Variants in FEZ2 observed in about 807,000 individuals in gnomAD.
The protein encoded by FEZ2 is fasciculation and elongation protein zeta 2, also known as fasciculation and elongation protein zeta-2.
In FEZ2, 51 loss-of-function variants were observed where a neutral mutation model predicts 40.4. That is an observed-to-expected ratio of 1.26 (90% CI 1.01 to 1.59). The LOEUF (loss-of-function observed/expected upper bound fraction) is 1.59. Among genes scored for constraint, FEZ2 ranks in the 40% most tolerant of loss-of-function variants. The pLI is 0.00. For missense variants in FEZ2, 640 were observed against 438.3 expected (o/e 1.46, Z -4.11); for synonymous variants, 242 against 172.0 (o/e 1.41, Z -3.18).
chr2:36,558,553 ATTACC>A, intron 5 of FEZ2, 40 bp from the exon 6 acceptor site: 4 of 1,283,578 alleles, frequency 3.1e-6, no homozygotes, highest in Non-Finnish European at 3.2e-6. Flanking sequence ...TTAAATCGGA[ATTACC>A]TTATCTGCAA....
At chr2:36,554,941 T>G (rs1034249319) in intron 7 of FEZ2, among the ~76,000 whole-genome samples, 1 of 152,220 alleles carries the variant, frequency 6.6e-6, no homozygotes, top group South Asian at 2.1e-4. Flanking sequence ...AAGATGCATT[T>G]TGTGATGCTT....
At chr2:36,572,582 C>T (rs186811214) in intron 5 of FEZ2, among the ~76,000 whole-genome samples, 6 of 152,242 alleles carry the variant, frequency 3.9e-5, no homozygotes, top group African/African-American at 1.2e-4. Flanking sequence ...TCCATATAGC[C>T]CCAAAGCTGC....
chr2:36,558,330 A>G, intron 6 of FEZ2, 108 bp downstream of exon 6: 1 of 592,662 alleles, frequency 1.7e-6, no homozygotes, highest in Non-Finnish European at 2.8e-6. Flanking sequence ...TGCATCATTT[A>G]CATCCTAAAC....
chr2:36,585,423 AATG>A (rs1404484683), intron 2 of FEZ2, among the ~76,000 whole-genome samples: 1 of 152,230 alleles, frequency 6.6e-6, no homozygotes, highest in East Asian at 1.9e-4. Context: ...AAAATCCCAG[AATG>A]ATGACTGTAA....
At chr2:36,556,070 T>C (rs1487385108) in intron 6 of FEZ2, 1 of 512,596 alleles carries the variant, frequency 2.0e-6, no homozygotes, top group South Asian at 1.6e-5. Context: ...TCTGTAATAA[T>C]ACCGGAAAGT....
At chr2:36,577,468 G>A (rs975289081) in intron 5 of FEZ2, among the ~76,000 whole-genome samples, 1 of 151,462 alleles carries the variant, frequency 6.6e-6, no homozygotes, top group Non-Finnish European at 1.5e-5. Flanking sequence ...TGTTGAGGCT[G>A]GTCTCGAACT....
intron 1 of FEZ2, among the ~76,000 whole-genome samples, chr2:36,593,835 A>G (rs942314398): frequency 7.0e-6 from 1 of 143,734 alleles, no homozygotes; most frequent in Non-Finnish European, 1.5e-5. Context: ...ATTTCTCCCC[A>G]GAAAATGGGT....
intron 5 of FEZ2, among the ~76,000 whole-genome samples, chr2:36,575,214 T>C (rs1434719706): frequency 6.6e-6 from 1 of 152,170 alleles, no homozygotes; most frequent in African/African-American, 2.4e-5. Context: ...TGTTTTTTGT[T>C]TGAGACAAGG....
intron 5 of FEZ2, among the ~76,000 whole-genome samples, chr2:36,568,019 T>A (rs1360168762): frequency 6.6e-6 from 1 of 152,186 alleles, no homozygotes; most frequent in African/African-American, 2.4e-5. Context: ...TAAATATACT[T>A]TTTAGTAAAC....
chr2:36,578,467 T>G, intron 5 of FEZ2, 130 bp downstream of exon 5: 4 of 980,280 alleles, frequency 4.1e-6, no homozygotes, highest in Non-Finnish European at 6.2e-6. Flanking sequence ...AAAATCCCAC[T>G]GGGCTCTGAT....
chr2:36,570,773 T>C (rs916867973), intron 5 of FEZ2, among the ~76,000 whole-genome samples: 1 of 152,204 alleles, frequency 6.6e-6, no homozygotes, highest in African/African-American at 2.4e-5. Flanking sequence ...TATTTGTGTA[T>C]CTAAATATAG....
intron 5 of FEZ2, among the ~76,000 whole-genome samples, chr2:36,573,775 T>C (rs11899523): frequency 0.25 from 38,443 of 152,168 alleles, 5,435 homozygotes; most frequent in South Asian, 0.41. Flanking sequence ...AGGCAACTCA[T>C]AAAAGAATAC....
chr2:36,562,359 C>T (rs1321358936), intron 5 of FEZ2, among the ~76,000 whole-genome samples: 1 of 152,098 alleles, frequency 6.6e-6, no homozygotes, highest in Non-Finnish European at 1.5e-5. Context: ...TAACAAAAAG[C>T]TAAGAAATGC....
chr2:36,554,074 C>T (rs530039730), intron 7 of FEZ2: 2 of 353,910 alleles, frequency 5.7e-6, no homozygotes, highest in East Asian at 7.8e-5. Context: ...TGCTTTTCCA[C>T]CCAGTCCTCA....
chr2:36,590,749 T>A, intron 2 of FEZ2, 154 bp downstream of exon 2: 1 of 577,714 alleles, frequency 1.7e-6, no homozygotes, highest in Non-Finnish European at 3.1e-6. Context: ...GTGATGGCCC[T>A]ACAGCCAAGA....
chr2:36,565,286 C>A (rs1001160088), intron 5 of FEZ2, among the ~76,000 whole-genome samples: 1 of 152,202 alleles, frequency 6.6e-6, no homozygotes, highest in Admixed American at 6.5e-5. Flanking sequence ...CTTGAAACCA[C>A]TGAAGTTCTC....
At chr2:36,555,658 G>T (rs766585803) in intron 7 of FEZ2, 25 bp downstream of exon 7, 4 of 1,422,052 alleles carry the variant, frequency 2.8e-6, no homozygotes, top group Non-Finnish European at 3.9e-6. Flanking sequence ...CCCAGCCATC[G>T]CACCTATACC....
At position 36,555,729 on chromosome 2, in the gene FEZ2, C is replaced by T; in HGVS notation, c.999G>A (p.Glu333=). ...ILTKILRAMK[E]DSEKVPSLLT... ...ACAAGCTCGGAACTTTTTCACTGTC[C>T]TCCTTCATGGCACGAAGAACTGCAA... Residue 333 remains glutamate, a synonymous_variant, in exon 7 of 8, where the codon GAG becomes GAA. Transcript: ENST00000405912. 2 of 1,592,430 alleles carry T rather than the reference C, an allele frequency of 1.3e-6. No homozygotes were observed. Among genetic ancestry groups the T allele is most frequent in the Non-Finnish European group, 1.7e-6 (2 of 1,170,326 alleles).
At chr2:36,574,132 A>C (rs1231565883) in intron 5 of FEZ2, among the ~76,000 whole-genome samples, 2 of 152,250 alleles carry the variant, frequency 1.3e-5, no homozygotes, top group African/African-American at 4.8e-5. Context: ...CATATATAAC[A>C]ATTAGCATTT....
Sources: gnomAD v4.1 joint callset for allele counts (sites outside exome capture counted in the v4.1 genomes callset) on GRCh38, gnomAD v4.1.1 for gene constraint, MANE v1.5 for transcripts, NCBI Gene and HGNC (gene_info 2026-07-23, HGNC 2026-07-21) for gene names.